The following MRPS27 variants were observed in gnomAD, a reference collection of about 807,000 sequenced individuals.
The protein encoded by MRPS27 is small ribosomal subunit protein mS27.
MRPS27 carries 43 observed loss-of-function variants against 48.9 expected under a neutral mutation model. The ratio of observed to expected loss-of-function variants is 0.88; its 90% CI spans 0.69 to 1.13. MRPS27 has a LOEUF of 1.13. Among genes scored for constraint, MRPS27 ranks in the 50% most tolerant of loss-of-function variants. The pLI is 0.00. For synonymous variants in MRPS27, 188 were observed against 171.9 expected (o/e 1.09, Z -0.73); for missense variants, 467 against 476.3 (o/e 0.98, Z 0.18).
rs1278460698 is a variant in MRPS27, at chr5:72,232,504, G to A, written c.530C>T (p.Ser177Phe). 3.7e-6 allele frequency: 6 copies of A among 1,612,698 alleles called. No homozygotes were observed. Among genetic ancestry groups the A allele is most frequent in the Non-Finnish European group, 5.1e-6 (6 of 1,179,190 alleles). ...AACATAGAGGGAGAGAAGTTGGGTG[G>A]AAGGCACTTCAAAGGCTTCTTGCAT... ...VMMQEAFEVP[S>F]TQLLSLYVLF... Residue 177 changes from serine (S) to phenylalanine (F), a missense_variant, in exon 7 of 11, where the codon TCC (serine) becomes TTC (phenylalanine). Transcript: ENST00000261413.
intron 4 of MRPS27, among the ~76,000 whole-genome samples, chr5:72,259,537 T>A (rs1050972469): frequency 6.6e-6 from 1 of 152,158 alleles, no homozygotes; most frequent in African/African-American, 2.4e-5. Context: ...AAAATCTTTT[T>A]TAAATTGCAA....
At chr5:72,313,793 C>T (rs887625766) in intron 2 of MRPS27, among the ~76,000 whole-genome samples, 14 of 152,056 alleles carry the variant, frequency 9.2e-5, no homozygotes, top group Non-Finnish European at 1.8e-4. Context: ...TTCTGTAAAA[C>T]AGGCTGCATG....
At chr5:72,251,371 CCAGTCAGGCTGATG>C (rs1748660306) in intron 4 of MRPS27, among the ~76,000 whole-genome samples, 1 of 152,242 alleles carries the variant, frequency 6.6e-6, no homozygotes, top group Middle Eastern at 3.4e-3. Context: ...CAAAGTTTTG[CCAGTCAGGCTGATG>C]ACTGGTGGCA....
chr5:72,320,235 A>T lies in MRPS27; in HGVS notation c.-14T>A, dbSNP rs764588394. 17 of 1,613,866 alleles carry T rather than the reference A, an allele frequency of 1.1e-5. No individual in the cohort carries two copies. Among genetic ancestry groups the T allele is most frequent in the Non-Finnish European group, 1.4e-5 (17 of 1,179,846 alleles). On this transcript the variant is annotated 5_prime_UTR_variant, in exon 1 of 11. Coordinates refer to ENST00000261413, the MANE Select transcript of MRPS27 (RefSeq NM_015084.3). ...GGAGGCAGCCATCTTGGAGCGTACC[A>T]AAAGGAACAGCCAACGGGTTACGGA...
chr5:72,275,003 A>C (rs1173816284), intron 4 of MRPS27, among the ~76,000 whole-genome samples: 1 of 152,198 alleles, frequency 6.6e-6, no homozygotes, highest in East Asian at 1.9e-4. Flanking sequence ...ACTCCTATTC[A>C]ACACAGCATT....
At chr5:72,258,531 G>A (rs1249311448) in intron 4 of MRPS27, among the ~76,000 whole-genome samples, 1 of 152,134 alleles carries the variant, frequency 6.6e-6, no homozygotes, top group Non-Finnish European at 1.5e-5. Flanking sequence ...GGGGCTAATG[G>A]GAGGTATTTA....
intron 4 of MRPS27, among the ~76,000 whole-genome samples, chr5:72,247,065 G>A (rs1748526937): frequency 6.6e-6 from 1 of 152,162 alleles, no homozygotes. Flanking sequence ...TTCAGTTCCT[G>A]CAACTGTAAA....
At chr5:72,310,319 G>A (rs1190850127) in intron 2 of MRPS27, among the ~76,000 whole-genome samples, 1 of 152,142 alleles carries the variant, frequency 6.6e-6, no homozygotes, top group East Asian at 1.9e-4. Flanking sequence ...TTGGAGAAAT[G>A]GTTGATTCCA....
chr5:72,233,921 C>A (rs192723620), intron 6 of MRPS27, among the ~76,000 whole-genome samples, 198 bp downstream of exon 6: 31 of 152,194 alleles, frequency 2.0e-4, no homozygotes, highest in Admixed American at 1.4e-3. Flanking sequence ...CATTTATGTA[C>A]TTTGATATTT....
intron 4 of MRPS27, among the ~76,000 whole-genome samples, chr5:72,246,956 G>A (rs1297485549): frequency 6.6e-6 from 1 of 152,144 alleles, no homozygotes; most frequent in Non-Finnish European, 1.5e-5. Flanking sequence ...TCTAAATTTA[G>A]GAGCAGAATC....
chr5:72,226,335 A>C (rs2111937223), intron 8 of MRPS27, 136 bp from the exon 9 acceptor site: 1 of 990,450 alleles, frequency 1.0e-6, no homozygotes, highest in Non-Finnish European at 1.5e-6. Flanking sequence ...ATCTGTACCA[A>C]CAGACTCATC....
chr5:72,298,384 T>A (rs981894696), intron 2 of MRPS27, among the ~76,000 whole-genome samples: 1 of 152,158 alleles, frequency 6.6e-6, no homozygotes, highest in African/African-American at 2.4e-5. Context: ...AAATAACAGA[T>A]GCTGGCAAGG....
At chr5:72,263,644 C>A (rs1429786158) in intron 4 of MRPS27, among the ~76,000 whole-genome samples, 1 of 150,878 alleles carries the variant, frequency 6.6e-6, no homozygotes, top group Non-Finnish European at 1.5e-5. Flanking sequence ...AAAATAGGCA[C>A]CTGAAAAGGT....
intron 4 of MRPS27, among the ~76,000 whole-genome samples, chr5:72,244,858 G>A (rs948484254): frequency 2.1e-5 from 3 of 144,642 alleles, no homozygotes; most frequent in Admixed American, 2.0e-4. Context: ...TAGACAGACT[G>A]TAAGCTCTGC....
chr5:72,307,433 T>A (rs928059470), intron 2 of MRPS27, among the ~76,000 whole-genome samples: 25 of 152,212 alleles, frequency 1.6e-4, no homozygotes, highest in African/African-American at 5.8e-4. Flanking sequence ...ACCCTATTAA[T>A]ATTTTAGGTG....
intron 4 of MRPS27, among the ~76,000 whole-genome samples, chr5:72,259,712 TC>T (rs1440444230): frequency 5.3e-5 from 8 of 152,152 alleles, no homozygotes; most frequent in Admixed American, 1.3e-4. Context: ...ATAAGATGCT[TC>T]TATTTATTTT....
At chr5:72,228,765 C>T (rs1447631241) in intron 7 of MRPS27, 1 of 160,456 alleles carries the variant, frequency 6.2e-6, no homozygotes, top group African/African-American at 2.4e-5. Context: ...GTCAGCCCCA[C>T]AGTCACTCAT....
chr5:72,289,321 A>G (rs1353741214), intron 4 of MRPS27, among the ~76,000 whole-genome samples: 1 of 152,214 alleles, frequency 6.6e-6, no homozygotes, highest in African/African-American at 2.4e-5. Context: ...AGAAAAACTC[A>G]TCTTCCACTG....
At chr5:72,294,012 G>T (rs1322686585) in intron 4 of MRPS27, among the ~76,000 whole-genome samples, 1 of 152,038 alleles carries the variant, frequency 6.6e-6, no homozygotes, top group South Asian at 2.1e-4. Context: ...GTACAAGAGG[G>T]CACTCACAAC....
Sources: allele counts gnomAD v4.1 joint callset (sites outside exome capture counted in the v4.1 genomes callset), GRCh38; gene constraint gnomAD v4.1.1; transcripts MANE v1.5; gene names NCBI Gene and HGNC (gene_info 2026-07-23, HGNC 2026-07-21).